PHGDH: variants seen among roughly 807,000 people sequenced by gnomAD.
PHGDH encodes phosphoglycerate dehydrogenase, also known as D-3-phosphoglycerate dehydrogenase.
Under a neutral mutation model 52.6 loss-of-function variants are expected in PHGDH, and 50 were observed. The observed-to-expected ratio is 0.95, with a 90% CI of 0.76 to 1.20. The LOEUF is 1.20. PHGDH is among the 50% of genes most tolerant of loss of function. The probability of loss-of-function intolerance (pLI) is 0.00; values close to 1 mark genes in which losing one functional copy is unlikely to be tolerated. For synonymous variants in PHGDH, 271 were observed against 280.5 expected, an observed-to-expected ratio of 0.97 and a Z score of 0.34; for missense variants, 630 against 684.6, an observed-to-expected ratio of 0.92 and a Z score of 0.89.
rs780330091 is a variant in PHGDH, at chr1:119,737,274, T to G, written c.945+8T>G. On this transcript the variant is annotated splice_region_variant and intron_variant, in intron 8 of 11. Coordinates refer to ENST00000641023, the MANE Select transcript of PHGDH (RefSeq NM_006623.4). Reference sequence around the variant, plus strand: ...AAATCTCTCACGGGGGTTGTAAGTATCACCACCTGGGGCTGGGGGCCAGGA... The same window carrying G: ...AAATCTCTCACGGGGGTTGTAAGTAGCACCACCTGGGGCTGGGGGCCAGGA... The G allele has an allele frequency of 6.2e-7, 1 of 1,610,692 alleles. No homozygotes were observed. The highest frequency in any genetic ancestry group is 1.1e-5 in the South Asian group (1 of 91,022).
chr1:119,721,466 G>A (rs587701852), intron 2 of PHGDH, 145 bp downstream of exon 2: 6 of 726,808 alleles, frequency 8.3e-6, no homozygotes, highest in African/African-American at 1.8e-5. Flanking sequence ...GGCCTGCATG[G>A]TCAACACACA....
chr1:119,739,098 C>T (rs587601780), intron 8 of PHGDH, among the ~76,000 whole-genome samples: 1 of 152,238 alleles, frequency 6.6e-6, no homozygotes, highest in South Asian at 2.1e-4. Context: ...CACAGAATAA[C>T]ATTAGGGTCA....
chr1:119,718,099 G>A (rs1281161999), intron 1 of PHGDH, among the ~76,000 whole-genome samples: 1 of 152,236 alleles, frequency 6.6e-6, no homozygotes, highest in Non-Finnish European at 1.5e-5. Context: ...GGCTGGCTGG[G>A]AGGAGCAGGT....
At position 119,719,437 on chromosome 1, in the gene PHGDH, C is replaced by T. The variant is rs149428373; in HGVS notation, c.139-1733C>T. Reference sequence around the variant, plus strand: ...CATTTCTTCAAATCTCCCACTCTGACGTTCTGCTTCAGAACCTCAGACATA... The same window carrying T: ...CATTTCTTCAAATCTCCCACTCTGATGTTCTGCTTCAGAACCTCAGACATA... On this transcript the variant is annotated intron_variant, in intron 1 of 11. Transcript: ENST00000641023. 9.2e-5 allele frequency among the ~76,000 whole-genome samples: 14 copies of T among 152,298 alleles called. No homozygotes were observed. The East Asian group carries it at 1.9e-3, about 21-fold the overall frequency.
At chr1:119,727,862 T>G (rs896332109) in intron 5 of PHGDH, among the ~76,000 whole-genome samples, 2 of 151,940 alleles carry the variant, frequency 1.3e-5, no homozygotes, top group African/African-American at 4.8e-5. Flanking sequence ...CAAAAACGAA[T>G]GAGGCAGTGT....
intron 3 of PHGDH, among the ~76,000 whole-genome samples, chr1:119,725,295 C>T (rs1456239013): frequency 6.6e-6 from 1 of 152,164 alleles, no homozygotes; most frequent in African/African-American, 2.4e-5. Flanking sequence ...CTGGGAGCAG[C>T]AGCCAGAGAA....
At chr1:119,741,664 C>T (rs988688807) in intron 9 of PHGDH, 103 bp from the exon 10 acceptor site, 14 of 1,061,190 alleles carry the variant, frequency 1.3e-5, no homozygotes, top group Non-Finnish European at 1.9e-5. Flanking sequence ...GTCCCCAGGG[C>T]AGCGAGGAGC....
intron 9 of PHGDH, among the ~76,000 whole-genome samples, chr1:119,741,052 G>A (rs1255550851): frequency 1.2e-4 from 19 of 152,214 alleles, no homozygotes; most frequent in Non-Finnish European, 1.3e-4. Flanking sequence ...TTGCTCAGCC[G>A]TGGAGTGGGA....
rs1557978903 is a variant in PHGDH, at chr1:119,737,211, A to T, written c.890A>T (p.Glu297Val). 1 of 1,614,122 alleles carries T rather than the reference A, an allele frequency of 6.2e-7. No homozygotes were observed. The highest frequency in any genetic ancestry group is 8.5e-7 in the Non-Finnish European group (1 of 1,179,990). Residue 297 changes from glutamate to valine, a missense_variant, in exon 8 of 12, where the codon GAG becomes GTG. Transcript: ENST00000641023. ...STKEAQSRCG[E>V]EIAVQFVDMV... ...AAGGAGGCTCAGAGCCGCTGTGGGG[A>T]GGAAATTGCTGTTCAGTTCGTGGAC...
chr1:119,724,612 T>G (rs753870936), intron 3 of PHGDH: 5 of 371,630 alleles, frequency 1.3e-5, no homozygotes, highest in Non-Finnish European at 2.6e-5. Context: ...CCTGGAGAAG[T>G]ACAGAAGCCT....
intron 1 of PHGDH, chr1:119,715,794 AG>A (rs1477819858): frequency 6.6e-6 from 1 of 152,356 alleles, no homozygotes; most frequent in East Asian, 1.9e-4. Flanking sequence ...CCACACGCAG[AG>A]GGCAGTGAAC....
At chr1:119,732,568 C>T (rs768686084) in intron 5 of PHGDH, among the ~76,000 whole-genome samples, 5 of 152,216 alleles carry the variant, frequency 3.3e-5, no homozygotes, top group Non-Finnish European at 7.3e-5. Flanking sequence ...AACCCCAACC[C>T]CCAGCTGAGT....
At chr1:119,733,344 AT>A (rs772188898) in intron 5 of PHGDH, among the ~76,000 whole-genome samples, 19,048 of 139,136 alleles carry the variant, frequency 0.14, 1,304 homozygotes, top group African/African-American at 0.22. Flanking sequence ...ATTTTGTTTT[AT>A]TTTTTTTTTT....
rs981200966 is a variant in PHGDH, at chr1:119,712,433, C to G, written c.138+273C>G. 7 of 436,790 alleles carry G rather than the reference C, an allele frequency of 1.6e-5. No homozygotes were observed. The Admixed American group carries it at 2.4e-4, about 15-fold the overall frequency. The allele number at this position is 436,790 out of a possible 1,614,324, so 27.1% of individuals were successfully genotyped here. Reference sequence around the variant, plus strand: ...CATTGCAAAGTGCGGGCTGCTCCAACTGGTCCTGCAGGCTGCTCGCGGATG... The same window carrying G: ...CATTGCAAAGTGCGGGCTGCTCCAAGTGGTCCTGCAGGCTGCTCGCGGATG... On this transcript the variant is annotated intron_variant, in intron 1 of 11. Coordinates refer to ENST00000641023, the MANE Select transcript of PHGDH (RefSeq NM_006623.4).
chr1:119,741,924 C>A (rs1273817803), intron 10 of PHGDH, 27 bp downstream of exon 10: 1 of 1,597,356 alleles, frequency 6.3e-7, no homozygotes, highest in East Asian at 2.2e-5. Flanking sequence ...CACGCTGCCT[C>A]CCCATCCCTG....
chr1:119,733,157 G>T (rs777150078), intron 5 of PHGDH, among the ~76,000 whole-genome samples: 1 of 152,104 alleles, frequency 6.6e-6, no homozygotes, highest in African/African-American at 2.4e-5. Context: ...CGTGGGAGAG[G>T]CAGCATCTTT....
At chr1:119,720,621 T>C (rs917914933) in intron 1 of PHGDH, 32 of 187,346 alleles carry the variant, frequency 1.7e-4, no homozygotes, top group African/African-American at 6.8e-4. Flanking sequence ...AGCTGATTCA[T>C]AGCTTGGAAG....
intron 3 of PHGDH, chr1:119,724,949 G>A (rs1369423614): frequency 2.2e-6 from 1 of 444,564 alleles, no homozygotes; most frequent in Admixed American, 2.4e-5. Context: ...GTTCCTAGCA[G>A]GGAGGACGGT....
intron 1 of PHGDH, among the ~76,000 whole-genome samples, chr1:119,714,839 C>T (rs996768994): frequency 2.0e-5 from 3 of 152,164 alleles, no homozygotes; most frequent in Non-Finnish European, 4.4e-5. Flanking sequence ...ATCGCTTGAG[C>T]CTAGGAGTTT....
Sources: allele counts gnomAD v4.1 joint callset (sites outside exome capture counted in the v4.1 genomes callset), GRCh38; gene constraint gnomAD v4.1.1; transcripts MANE v1.5; gene names NCBI Gene and HGNC (gene_info 2026-07-23, HGNC 2026-07-21).